Variants in SPATA16 observed in about 807,000 individuals in gnomAD.
SPATA16 encodes spermatogenesis associated 16, also known as spermatogenesis-associated protein 16.
In SPATA16, 36 loss-of-function variants were observed where a neutral mutation model predicts 63.3. The ratio of observed to expected loss-of-function variants is 0.57; its 90% CI spans 0.44 to 0.75. SPATA16 has a LOEUF of 0.75. Among genes scored for constraint, SPATA16 ranks in the 30% least tolerant of loss-of-function variants. SPATA16 has a pLI of 0.00. For missense variants in SPATA16, 646 were observed against 679.3 expected, an observed-to-expected ratio of 0.95 and a Z score of 0.54; for synonymous variants, 203 against 216.7, an observed-to-expected ratio of 0.94 and a Z score of 0.56.
intron 3 of SPATA16, among the ~76,000 whole-genome samples, chr3:173,045,118 C>T (rs900481814): frequency 6.6e-6 from 1 of 152,146 alleles, no homozygotes; most frequent in African/African-American, 2.4e-5. Flanking sequence ...TGGCTAAGAA[C>T]TTACAGTAAA....
At chr3:173,105,122 C>A (rs963695668) in intron 2 of SPATA16, among the ~76,000 whole-genome samples, 3 of 152,180 alleles carry the variant, frequency 2.0e-5, no homozygotes, top group Non-Finnish European at 2.9e-5. Flanking sequence ...GAAACTACAT[C>A]ATATGCTCTA....
intron 3 of SPATA16, among the ~76,000 whole-genome samples, chr3:173,038,593 C>G (rs1047988082): frequency 6.6e-6 from 1 of 152,000 alleles, no homozygotes; most frequent in Non-Finnish European, 1.5e-5. Flanking sequence ...TCTTTTTGCA[C>G]GTAGAGGCAA....
At chr3:173,076,479 TAGTG>T (rs1473709340) in intron 2 of SPATA16, among the ~76,000 whole-genome samples, 5 of 152,084 alleles carry the variant, frequency 3.3e-5, no homozygotes, top group African/African-American at 4.8e-5. Flanking sequence ...GGCTATGCTA[TAGTG>T]AGTAAGACTT....
intron 10 of SPATA16, among the ~76,000 whole-genome samples, chr3:172,891,109 A>G (rs927037790): frequency 5.3e-5 from 8 of 152,078 alleles, no homozygotes; most frequent in Admixed American, 2.0e-4. Context: ...CCATTACTTC[A>G]ATAGTTGAGT....
At chr3:173,007,219 A>G (rs936740048) in intron 4 of SPATA16, among the ~76,000 whole-genome samples, 1 of 152,234 alleles carries the variant, frequency 6.6e-6, no homozygotes, top group African/African-American at 2.4e-5. Context: ...CTTATGAGTG[A>G]ACCAGAGGGC....
intron 4 of SPATA16, among the ~76,000 whole-genome samples, chr3:173,015,283 C>T (rs771433991): frequency 4.6e-5 from 7 of 152,076 alleles, no homozygotes; most frequent in Non-Finnish European, 7.4e-5. Context: ...AGGCTGCTCT[C>T]GAACTCTTGG....
rs534464701 is a variant in SPATA16 at position 172,961,765 on chromosome 3, C to T, written c.934-4941G>A. ...AATTAGAGTCTCTAATGTTATATTT[C>T]ACTTTCTTTTTTGAAAATTATGACT... On this transcript the variant is annotated intron_variant, in intron 5 of 10. Coordinates refer to ENST00000351008, the MANE Select transcript of SPATA16 (RefSeq NM_031955.6). 3.4e-3 allele frequency among the ~76,000 whole-genome samples: 516 copies of T among 152,200 alleles called. 2 individuals are homozygous for T. Among genetic ancestry groups the T allele is most frequent in the African/African-American group, 0.012 (493 of 41,528 alleles).
At chr3:173,101,433 C>A (rs1232004579) in intron 2 of SPATA16, among the ~76,000 whole-genome samples, 9 of 152,200 alleles carry the variant, frequency 5.9e-5, no homozygotes, top group African/African-American at 1.9e-4. Context: ...GAGCCCACAT[C>A]CCCTACAGTC....
intron 2 of SPATA16, among the ~76,000 whole-genome samples, chr3:173,111,034 A>T (rs1737738600): frequency 6.6e-6 from 1 of 152,228 alleles, no homozygotes; most frequent in African/African-American, 2.4e-5. Flanking sequence ...CAGTATGAAA[A>T]GCAGGAGTGT....
intron 3 of SPATA16, among the ~76,000 whole-genome samples, chr3:173,042,665 A>G (rs9858860): frequency 0.23 from 34,702 of 152,082 alleles, 4,743 homozygotes; most frequent in African/African-American, 0.38. Flanking sequence ...CATTTTACTT[A>G]TATTTAAAGA....
chr3:172,896,137 G>A (rs180823072), intron 10 of SPATA16, among the ~76,000 whole-genome samples: 3 of 152,206 alleles, frequency 2.0e-5, no homozygotes, highest in East Asian at 3.9e-4. Context: ...GATCCATCAC[G>A]TGCAGGGTCT....
At chr3:173,021,668 T>G (rs957935720) in intron 3 of SPATA16, among the ~76,000 whole-genome samples, 1 of 151,962 alleles carries the variant, frequency 6.6e-6, no homozygotes, top group Admixed American at 6.6e-5. Context: ...AGGGACTGGG[T>G]TTTCTGATTC....
At chr3:172,924,415 T>C (rs1407432610) in intron 7 of SPATA16, 98 bp from the exon 8 acceptor site, 27 of 919,874 alleles carry the variant, frequency 2.9e-5, no homozygotes, top group Non-Finnish European at 4.3e-5. Context: ...TCAATATTAA[T>C]AGATACAAAA....
At chr3:172,908,371 A>G (rs528391504) in intron 10 of SPATA16, among the ~76,000 whole-genome samples, 4 of 152,244 alleles carry the variant, frequency 2.6e-5, no homozygotes, top group African/African-American at 9.6e-5. Flanking sequence ...ACCTACAGAC[A>G]TCTATCTTTC....
chr3:172,912,784 G>T (rs1292319864), intron 10 of SPATA16, among the ~76,000 whole-genome samples: 1 of 151,882 alleles, frequency 6.6e-6, no homozygotes, highest in African/African-American at 2.4e-5. Context: ...GTAGGCTATT[G>T]GTAGTTAAGT....
intron 2 of SPATA16, among the ~76,000 whole-genome samples, chr3:173,063,436 G>A (rs1577155382): frequency 6.6e-6 from 1 of 152,096 alleles, no homozygotes; most frequent in Non-Finnish European, 1.5e-5. Flanking sequence ...AGAGAAAAGG[G>A]GCACGGTTCT....
rs762595084 is a variant in SPATA16 at position 173,117,531 on chromosome 3, C to T, written c.201G>A (p.Lys67=). Residue 67 remains lysine (K), a synonymous_variant, in exon 2 of 11, where the codon AAG becomes AAA. Transcript: ENST00000351008. ...EITLERTKMT[K]GIKEKQSNDL... Reference sequence around the variant, plus strand: ...CATTGCTTTGTTTTTCTTTGATGCCCTTTGTCATTTTTGTTCTTTCAAGTG... The same window carrying T: ...CATTGCTTTGTTTTTCTTTGATGCCTTTTGTCATTTTTGTTCTTTCAAGTG... 1.2e-5 allele frequency: 19 copies of T among 1,613,976 alleles called. No homozygotes were observed. In the East Asian group the frequency reaches 3.3e-4, roughly 28 times the overall value.
rs6804273 is a variant in SPATA16 at position 172,967,240 on chromosome 3, T to C, written c.933+9728A>G. 3.6e-3 allele frequency among the ~76,000 whole-genome samples: 549 copies of C among 152,292 alleles called. 3 individuals carry two copies. Among genetic ancestry groups the C allele is most frequent in the African/African-American group, 0.013 (536 of 41,556 alleles). On this transcript the variant is annotated intron_variant, in intron 5 of 10. Coordinates refer to ENST00000351008, the MANE Select transcript of SPATA16 (RefSeq NM_031955.6). ...AAAAGAAATTTGGAGGTTAGTTTTT[T>C]TCCTCCCATAGAAACCATCAGAAAC...
chr3:173,107,677 T>C (rs377043749), intron 2 of SPATA16, among the ~76,000 whole-genome samples: 55 of 152,308 alleles, frequency 3.6e-4, no homozygotes, highest in African/African-American at 1.3e-3. Context: ...GCATTACATT[T>C]TTGTGAACAC....
Sources: gnomAD v4.1 joint callset for allele counts (sites outside exome capture counted in the v4.1 genomes callset) on GRCh38, gnomAD v4.1.1 for gene constraint, MANE v1.5 for transcripts, NCBI Gene and HGNC (gene_info 2026-07-23, HGNC 2026-07-21) for gene names.